The following MYRIP variants were observed in gnomAD, a reference collection of about 807,000 sequenced individuals.
MYRIP encodes rab effector MyRIP.
MYRIP carries 49 observed loss-of-function variants against 98.0 expected under a neutral mutation model. That is an observed-to-expected ratio of 0.50 (90% CI 0.40 to 0.63). MYRIP has a LOEUF of 0.63. MYRIP is among the 30% of genes least tolerant of loss of function. The pLI is 0.00. For missense variants in MYRIP, 1,004 were observed against 1,058.2 expected (o/e 0.95, Z 0.71); for synonymous variants, 404 against 409.5 (o/e 0.99, Z 0.16).
At chr3:40,000,734 C>G (rs1946500481) in intron 2 of MYRIP, among the ~76,000 whole-genome samples, 2 of 152,234 alleles carry the variant, frequency 1.3e-5, no homozygotes, top group Middle Eastern at 3.4e-3. Context: ...CATAAAGCTT[C>G]CCCTGTAACC....
chr3:40,109,711 A>T (rs1003327714), intron 3 of MYRIP, among the ~76,000 whole-genome samples: 1 of 152,206 alleles, frequency 6.6e-6, no homozygotes, highest in Non-Finnish European at 1.5e-5. Context: ...GCTAAGCCAG[A>T]TCACCATCCC....
At chr3:40,038,104 T>C (rs1947423770) in intron 2 of MYRIP, among the ~76,000 whole-genome samples, 1 of 147,520 alleles carries the variant, frequency 6.8e-6, no homozygotes. Flanking sequence ...AAGGAATTTA[T>C]TTGAGACGCT....
chr3:39,841,075 T>C (rs1366791194), intron 1 of MYRIP, among the ~76,000 whole-genome samples: 1 of 152,202 alleles, frequency 6.6e-6, no homozygotes, highest in East Asian at 1.9e-4. Context: ...GGTTCCATTT[T>C]CCCCGTCACT....
intron 1 of MYRIP, among the ~76,000 whole-genome samples, chr3:39,854,645 C>T (rs764141998): frequency 7.9e-5 from 12 of 152,124 alleles, no homozygotes; most frequent in Non-Finnish European, 1.5e-4. Flanking sequence ...TCTGGCAATT[C>T]AGAGATTCCT....
intron 9 of MYRIP, among the ~76,000 whole-genome samples, chr3:40,187,240 AG>A (rs1334058795): frequency 6.6e-6 from 1 of 152,160 alleles, no homozygotes; most frequent in Non-Finnish European, 1.5e-5. Flanking sequence ...TATTAATTCT[AG>A]TGACAGCCAA....
chr3:40,045,191 A>C (rs1332572715), intron 3 of MYRIP, among the ~76,000 whole-genome samples: 1 of 152,070 alleles, frequency 6.6e-6, no homozygotes, highest in East Asian at 1.9e-4. Flanking sequence ...TGTATCCTTT[A>C]ATGCATCAAG....
intron 3 of MYRIP, among the ~76,000 whole-genome samples, chr3:40,085,121 A>G (rs943510688): frequency 2.7e-4 from 40 of 147,316 alleles, no homozygotes; most frequent in African/African-American, 9.7e-4. Context: ...ATATGTGTCT[A>G]TGTGTTATAT....
chr3:39,871,099 T>C (rs1261881552), intron 1 of MYRIP, among the ~76,000 whole-genome samples: 1 of 152,242 alleles, frequency 6.6e-6, no homozygotes, highest in African/African-American at 2.4e-5. Context: ...CATTTCTCTG[T>C]AGCTGCATCC....
chr3:40,150,620 T>G (rs1315433276), intron 3 of MYRIP, among the ~76,000 whole-genome samples: 3 of 152,252 alleles, frequency 2.0e-5, no homozygotes, highest in Non-Finnish European at 4.4e-5. Context: ...AAGCATTTAT[T>G]GGCTTGCTCT....
At chr3:40,039,623 G>A (rs1559375890) in intron 2 of MYRIP, among the ~76,000 whole-genome samples, 1 of 152,056 alleles carries the variant, frequency 6.6e-6, no homozygotes, top group Non-Finnish European at 1.5e-5. Context: ...GACCACCAGG[G>A]ATGGTTCTTT....
At position 40,260,185 on chromosome 3, in the gene MYRIP, A is replaced by G. The variant is rs1953721687; in HGVS notation, c.*2019A>G. On this transcript the variant is annotated 3_prime_UTR_variant, in exon 17 of 17. Transcript: ENST00000302541. Reference sequence around the variant, plus strand: ...AATTTTTATAAATGAAAATATTTTAATGGTTTAAGAAAATGAGGACAACAG... The same window carrying G: ...AATTTTTATAAATGAAAATATTTTAGTGGTTTAAGAAAATGAGGACAACAG... The G allele has an allele frequency of 6.6e-6, 1 of 152,290 alleles. No homozygotes were observed. The highest frequency in any genetic ancestry group is 2.1e-4 in the South Asian group (1 of 4,836). The allele number at this position is 152,290 out of a possible 1,614,324, so 9.4% of individuals were successfully genotyped here.
chr3:40,161,949 G>A (rs1237485745), intron 4 of MYRIP, among the ~76,000 whole-genome samples: 3 of 152,060 alleles, frequency 2.0e-5, no homozygotes, highest in Non-Finnish European at 4.4e-5. Context: ...TGTGTCCCCA[G>A]GTCACCTCAC....
In MYRIP at chr3:40,001,586, T is replaced by C. The variant is rs4131056; in HGVS notation, c.111-42464T>C. Among the ~76,000 whole-genome samples the C allele has an allele frequency of 7.1e-4, 108 of 152,284 alleles. 5 individuals are homozygous for C. In the East Asian group the frequency reaches 0.018, roughly 26 times the overall value. On this transcript the variant is annotated intron_variant, in intron 2 of 16. Coordinates refer to ENST00000302541, the MANE Select transcript of MYRIP (RefSeq NM_015460.4). ...CATAATAGTAACTGAATTCCATCAG[T>C]CAGTCAGTCAACAATCACTTCAAAG...
In MYRIP at chr3:40,234,004, G is replaced by A; in HGVS notation, c.2051G>A (p.Gly684Glu). The A allele has an allele frequency of 6.2e-7, 1 of 1,612,826 alleles. No individual in the cohort carries two copies. The highest frequency in any genetic ancestry group is 8.5e-7 in the Non-Finnish European group (1 of 1,179,612). Residue 684 changes from glycine to glutamate, a missense_variant, in exon 12 of 17, where the codon GGG (glycine) becomes GAG (glutamate). Gly to Glu is a moderately conservative substitution (Grantham distance 98). Transcript: ENST00000302541. ...AGACAGAAGGGGATGTTTCCTCGTG[G>A]GACAGACCAAGTGAGACTGGATGAG... ...PDRQKGMFPRGTDQVRLDEQL... is the reference protein window; with the variant it reads ...PDRQKGMFPRETDQVRLDEQL...
At chr3:40,136,065 T>G (rs866355601) in intron 3 of MYRIP, among the ~76,000 whole-genome samples, 2 of 152,072 alleles carry the variant, frequency 1.3e-5, no homozygotes, top group Admixed American at 1.3e-4. Context: ...GGCTAAATGC[T>G]CCAACTAAAA....
intron 2 of MYRIP, among the ~76,000 whole-genome samples, chr3:40,018,598 G>A (rs781698360): frequency 8.6e-5 from 13 of 151,820 alleles, no homozygotes; most frequent in South Asian, 2.1e-4. Flanking sequence ...CAAATGTTTC[G>A]TCACCATGTC....
At chr3:40,221,017 G>A (rs1207021653) in intron 11 of MYRIP, among the ~76,000 whole-genome samples, 1 of 130,026 alleles carries the variant, frequency 7.7e-6, no homozygotes, top group African/African-American at 3.2e-5. Flanking sequence ...CAGATATAGG[G>A]TAATGTACAA....
chr3:39,927,291 C>A (rs142082254), intron 2 of MYRIP, among the ~76,000 whole-genome samples: 1 of 152,060 alleles, frequency 6.6e-6, no homozygotes, highest in Non-Finnish European at 1.5e-5. Flanking sequence ...TTGACTTTTT[C>A]TTTTCCTATG....
chr3:40,253,675 T>G (rs1297193238), intron 16 of MYRIP, among the ~76,000 whole-genome samples: 1 of 152,146 alleles, frequency 6.6e-6, no homozygotes, highest in Non-Finnish European at 1.5e-5. Flanking sequence ...AGCAGCGCAA[T>G]CCCATTCTAG....
Sources: allele counts gnomAD v4.1 joint callset (sites outside exome capture counted in the v4.1 genomes callset), GRCh38; gene constraint gnomAD v4.1.1; transcripts MANE v1.5; gene names NCBI Gene and HGNC (gene_info 2026-07-23, HGNC 2026-07-21).